Variants in KIAA1549L observed in about 807,000 individuals in gnomAD.
The protein encoded by KIAA1549L is UPF0606 protein KIAA1549L.
A neutral mutation model predicts 160.7 loss-of-function variants in KIAA1549L; 88 were observed. The ratio of observed to expected loss-of-function variants is 0.55; its 90% CI spans 0.46 to 0.65. KIAA1549L has a LOEUF of 0.65. Among genes scored for constraint, KIAA1549L ranks in the 30% least tolerant of loss-of-function variants. The pLI is 0.00. For missense variants in KIAA1549L, 2,258 were observed against 2,437.5 expected (o/e 0.93, Z 1.55); for synonymous variants, 950 against 976.7 (o/e 0.97, Z 0.51).
At chr11:33,519,365 G>A (rs1853427850) in intron 1 of KIAA1549L, among the ~76,000 whole-genome samples, 1 of 152,054 alleles carries the variant, frequency 6.6e-6, no homozygotes, top group Non-Finnish European at 1.5e-5. Flanking sequence ...TTATTTTTGA[G>A]AAGAGCCAGG....
At chr11:33,420,781 A>G (rs923607464) in intron 1 of KIAA1549L, among the ~76,000 whole-genome samples, 2 of 152,176 alleles carry the variant, frequency 1.3e-5, no homozygotes, top group African/African-American at 2.4e-5. Flanking sequence ...ACCACGAAAT[A>G]TATGATGAGC....
intron 1 of KIAA1549L, among the ~76,000 whole-genome samples, chr11:33,492,426 A>G (rs1852694465): frequency 6.6e-6 from 1 of 152,158 alleles, no homozygotes; most frequent in Non-Finnish European, 1.5e-5. Context: ...GGTGACCTTG[A>G]ACCCTGGACT....
Position 33,627,763 on chromosome 11 carries a change from G to T in KIAA1549L, c.5409+9101G>T, listed in dbSNP as rs898154800. Among the ~76,000 whole-genome samples the T allele has an allele frequency of 1.5e-4, 23 of 151,762 alleles. 1 individual carries two copies. The highest frequency in any genetic ancestry group is 4.8e-4 in the African/African-American group (20 of 41,306). On this transcript the variant is annotated intron_variant, in intron 16 of 20. Transcript: ENST00000658780. ...TCCTGGATTCATTAATTTTTTGAAG[G>T]GTTTTTTGTGTCTCTATTTCCTTCA...
At chr11:33,531,404 G>A (rs183116325) in intron 1 of KIAA1549L, among the ~76,000 whole-genome samples, 2 of 152,164 alleles carry the variant, frequency 1.3e-5, no homozygotes, top group Non-Finnish European at 2.9e-5. Context: ...GAACATGGGA[G>A]GCGGAGGTTG....
At position 33,489,842 on chromosome 11, in the gene KIAA1549L, C is replaced by T. The variant is rs185607793; in HGVS notation, c.239-51960C>T. Among the ~76,000 whole-genome samples the T allele has an allele frequency of 1.2e-3, 177 of 152,288 alleles. 1 individual carries two copies. The highest frequency in any genetic ancestry group is 4.1e-3 in the African/African-American group (170 of 41,548). On this transcript the variant is annotated intron_variant, in intron 1 of 20. Coordinates refer to ENST00000658780, the MANE Select transcript of KIAA1549L (RefSeq NM_012194.3). ...GGAAATGGGTTTGGTGAACAACTGC[C>T]AGAGTCCACTGCAACAGTTAATAAA...
intron 1 of KIAA1549L, among the ~76,000 whole-genome samples, chr11:33,400,995 G>C (rs968133621): frequency 2.1e-4 from 32 of 152,220 alleles, no homozygotes; most frequent in African/African-American, 7.2e-4. Context: ...TAAGCTGAAT[G>C]CTCTCCATGA....
At position 33,545,104 on chromosome 11, in the gene KIAA1549L, T is replaced by C. The variant is rs751031223; in HGVS notation, c.3111T>C (p.Ser1037=). 6.2e-7 allele frequency: 1 copy of C among 1,613,974 alleles called. No individual in the cohort carries two copies. The highest frequency in any genetic ancestry group is 1.1e-5 in the South Asian group (1 of 91,078). The change falls in exon 3 of 21, where the codon TCT becomes TCC. Residue 1037 remains serine, a synonymous_variant. Coordinates refer to ENST00000658780, the MANE Select transcript of KIAA1549L (RefSeq NM_012194.3). ...TGGACACTGCCTCTGGCCTGTTGTC[T>C]ACAACTTACCTCCCCAGGAAACCAC... ...GNMDTASGLL[S]TTYLPRKPQA... is the part of the protein sequence containing the mutation.
At position 33,543,107 on chromosome 11, in the gene KIAA1549L, C is replaced by G; in HGVS notation, c.1544C>G (p.Ala515Gly). The G allele has an allele frequency of 1.2e-6, 2 of 1,613,912 alleles. No homozygotes were observed. Among genetic ancestry groups the G allele is most frequent in the Non-Finnish European group, 1.7e-6 (2 of 1,179,894 alleles). ...LTFLQPTENH[A>G]SPSPVPEMPT... ...TTCCTCCAGCCCACAGAGAATCATG[C>G]CTCCCCATCTCCTGTGCCAGAAATG... The change falls in exon 2 of 21, where the codon GCC becomes GGC. Residue 515 changes from alanine (A) to glycine (G), a missense_variant. Ala to Gly is a moderately conservative substitution (Grantham distance 60). Transcript: ENST00000658780.
chr11:33,495,839 T>G lies in KIAA1549L; in HGVS notation c.239-45963T>G, dbSNP rs576986476. 1.3e-3 allele frequency among the ~76,000 whole-genome samples: 193 copies of G among 152,006 alleles called. 3 individuals carry two copies. Among genetic ancestry groups the G allele is most frequent in the African/African-American group, 4.5e-3 (186 of 41,390 alleles). On this transcript the variant is annotated intron_variant, in intron 1 of 20. Coordinates refer to ENST00000658780, the MANE Select transcript of KIAA1549L (RefSeq NM_012194.3). The stretch of plus-strand genomic sequence containing the variant: ...CCATTCTAACTGGTGTGAGATGGTA[T>G]CTCATTGTGGTTTTGATTTGCATTT...
In KIAA1549L at chr11:33,632,010, C is replaced by T. The variant is rs184617039; in HGVS notation, c.5409+13348C>T. Among the ~76,000 whole-genome samples the T allele has an allele frequency of 1.2e-3, 185 of 152,256 alleles. 3 individuals are homozygous for T. The highest frequency in any genetic ancestry group is 8.5e-4 in the Non-Finnish European group (58 of 68,020). On this transcript the variant is annotated intron_variant, in intron 16 of 20. Transcript: ENST00000658780. Reference sequence around the variant, plus strand: ...TGAGCCAAATACACATTAGATTTGACGGAATATCAAAACCATAGGCTGATG... The same window carrying T: ...TGAGCCAAATACACATTAGATTTGATGGAATATCAAAACCATAGGCTGATG...
intron 16 of KIAA1549L, among the ~76,000 whole-genome samples, chr11:33,625,100 A>C (rs1851065252): frequency 6.6e-6 from 1 of 151,830 alleles, no homozygotes; most frequent in African/African-American, 2.4e-5. Flanking sequence ...ATCATTTTTT[A>C]TGGCTGCATA....
chr11:33,435,449 T>C (rs902648500), intron 1 of KIAA1549L, among the ~76,000 whole-genome samples: 2 of 152,108 alleles, frequency 1.3e-5, no homozygotes, highest in Non-Finnish European at 2.9e-5. Flanking sequence ...GATGTCACCA[T>C]AGTTACAGTC....
intron 1 of KIAA1549L, among the ~76,000 whole-genome samples, chr11:33,478,702 A>C (rs1241205840): frequency 6.6e-6 from 1 of 152,194 alleles, no homozygotes; most frequent in Non-Finnish European, 1.5e-5. Flanking sequence ...TTTAATCCTC[A>C]AAATATTTCT....
At chr11:33,432,753 A>G (rs1456622116) in intron 1 of KIAA1549L, among the ~76,000 whole-genome samples, 1 of 152,366 alleles carries the variant, frequency 6.6e-6, no homozygotes, top group East Asian at 1.9e-4. Context: ...CCAATGAAGC[A>G]GAACAGAGAC....
chr11:33,580,534 A>G (rs985607113), intron 10 of KIAA1549L, among the ~76,000 whole-genome samples: 1 of 146,042 alleles, frequency 6.8e-6, no homozygotes, highest in Non-Finnish European at 1.5e-5. Context: ...AGATCGTGCC[A>G]TTACTCCAGG....
chr11:33,493,363 G>C (rs1044380823), intron 1 of KIAA1549L, among the ~76,000 whole-genome samples: 3 of 152,132 alleles, frequency 2.0e-5, no homozygotes, highest in African/African-American at 7.2e-5. Context: ...CCAGATGCTG[G>C]CACCTTGATC....
intron 10 of KIAA1549L, among the ~76,000 whole-genome samples, chr11:33,580,872 G>A (rs1358964427): frequency 6.6e-6 from 1 of 152,160 alleles, no homozygotes; most frequent in Non-Finnish European, 1.5e-5. Context: ...AAGGGCTAGG[G>A]CATGTTGAGA....
intron 1 of KIAA1549L, among the ~76,000 whole-genome samples, chr11:33,427,834 A>G (rs1289315178): frequency 1.3e-5 from 2 of 152,200 alleles, no homozygotes; most frequent in Non-Finnish European, 2.9e-5. Flanking sequence ...TTCCGTGTCT[A>G]TGGATTTACT....
chr11:33,626,327 T>C (rs1851112033), intron 16 of KIAA1549L, among the ~76,000 whole-genome samples: 1 of 144,526 alleles, frequency 6.9e-6, no homozygotes, highest in Non-Finnish European at 1.5e-5. Context: ...GGGGATGGCA[T>C]TGAATCTGTA....
Sources: allele counts gnomAD v4.1 joint callset (sites outside exome capture counted in the v4.1 genomes callset), GRCh38; gene constraint gnomAD v4.1.1; transcripts MANE v1.5; gene names NCBI Gene and HGNC (gene_info 2026-07-23, HGNC 2026-07-21).